Variants in GRIK1 observed in about 807,000 individuals in gnomAD.
GRIK1 encodes the protein glutamate ionotropic receptor kainate type subunit 1.
Under a neutral mutation model 105.7 loss-of-function variants are expected in GRIK1, and 69 were observed. The observed-to-expected ratio is 0.65, with a 90% CI of 0.54 to 0.80. GRIK1 has a LOEUF of 0.80. Ranked by LOEUF, GRIK1 falls within the 30% of genes least tolerant of loss-of-function variation. The pLI is 0.00. For synonymous variants in GRIK1, 438 were observed against 431.3 expected, an observed-to-expected ratio of 1.02 and a Z score of -0.19; for missense variants, 1,109 against 1,167.3, an observed-to-expected ratio of 0.95 and a Z score of 0.73.
chr21:29,898,036 ATT>A (rs2070237347), intron 1 of GRIK1, among the ~76,000 whole-genome samples: 2 of 152,198 alleles, frequency 1.3e-5, no homozygotes, highest in Non-Finnish European at 2.9e-5. Flanking sequence ...GCCGAGTTAA[ATT>A]TCATGTCTTT....
chr21:29,575,743 A>C (rs539290523), intron 14 of GRIK1, among the ~76,000 whole-genome samples: 1 of 152,250 alleles, frequency 6.6e-6, no homozygotes, highest in East Asian at 1.9e-4. Context: ...GAGGCAGGAG[A>C]ATCATTTGAA....
chr21:29,842,443 C>G (rs957459585), intron 1 of GRIK1, among the ~76,000 whole-genome samples: 1 of 152,162 alleles, frequency 6.6e-6, no homozygotes, highest in Non-Finnish European at 1.5e-5. Flanking sequence ...GGTCAGCACA[C>G]TTCAAATTCT....
intron 7 of GRIK1, among the ~76,000 whole-genome samples, chr21:29,620,792 T>TATATATAG (rs1491286680): frequency 3.6e-5 from 4 of 109,704 alleles, no homozygotes; most frequent in African/African-American, 2.1e-4. Context: ...GATATATATA[T>TATATATAG]CTATATATAT....
intron 1 of GRIK1, among the ~76,000 whole-genome samples, chr21:29,934,342 CCACTTAGTACA>C (rs1415383998): frequency 6.6e-6 from 1 of 152,144 alleles, no homozygotes; most frequent in Non-Finnish European, 1.5e-5. Context: ...TATTCGATTT[CCACTTAGTACA>C]CACAGTGAAA....
intron 14 of GRIK1, among the ~76,000 whole-genome samples, chr21:29,569,979 G>A (rs1185131544): frequency 6.6e-6 from 1 of 152,156 alleles, no homozygotes. Context: ...CTGAATGCAA[G>A]TTGTGTCCAT....
chr21:29,739,284 C>G (rs1247529286), intron 1 of GRIK1, among the ~76,000 whole-genome samples: 1 of 152,060 alleles, frequency 6.6e-6, no homozygotes, highest in Admixed American at 6.6e-5. Context: ...TGATGAGAAA[C>G]AGAAGACATT....
At chr21:29,874,465 G>C (rs1160534178) in intron 1 of GRIK1, among the ~76,000 whole-genome samples, 2 of 152,136 alleles carry the variant, frequency 1.3e-5, no homozygotes, top group Non-Finnish European at 2.9e-5. Flanking sequence ...TAGCTGAACT[G>C]TTTGTCCCCA....
At chr21:29,658,577 A>G (rs1454102565) in intron 4 of GRIK1, among the ~76,000 whole-genome samples, 6 of 152,166 alleles carry the variant, frequency 3.9e-5, no homozygotes. Flanking sequence ...TCATTTCTTA[A>G]TGGAATTAAT....
In GRIK1 at chr21:29,877,636, C is replaced by G. The variant is rs141338527; in HGVS notation, c.118+61747G>C. On this transcript the variant is annotated intron_variant, in intron 1 of 17. Coordinates refer to ENST00000327783, the MANE Select transcript of GRIK1 (RefSeq NM_001330994.2). Reference sequence around the variant, plus strand: ...TGGAAACACTTGGTAGCAGATATAACCCCTATTATTCTTTTATGTTGTCAG... The same window carrying G: ...TGGAAACACTTGGTAGCAGATATAAGCCCTATTATTCTTTTATGTTGTCAG... Among the ~76,000 whole-genome samples the G allele has an allele frequency of 2.1e-3, 313 of 152,262 alleles. 2 individuals are homozygous for G. Among genetic ancestry groups the G allele is most frequent in the Admixed American group, 3.1e-3 (48 of 15,282 alleles).
At chr21:29,879,645 G>T (rs1334301283) in intron 1 of GRIK1, among the ~76,000 whole-genome samples, 5 of 151,882 alleles carry the variant, frequency 3.3e-5, no homozygotes, top group Non-Finnish European at 7.4e-5. Context: ...TGTTATTGCT[G>T]TTTTTTTCCC....
At chr21:29,606,700 A>C (rs949775049) in intron 7 of GRIK1, among the ~76,000 whole-genome samples, 3 of 151,706 alleles carry the variant, frequency 2.0e-5, no homozygotes, top group Non-Finnish European at 4.4e-5. Context: ...CAAAACAAAA[A>C]AAACAAAAAA....
chr21:29,738,714 T>C (rs382346), intron 1 of GRIK1, among the ~76,000 whole-genome samples: 130,756 of 152,214 alleles, frequency 0.86, 57,634 homozygotes, highest in Non-Finnish European at 0.96. Context: ...TTATTTTTAA[T>C]GCATCTATCT....
intron 9 of GRIK1, among the ~76,000 whole-genome samples, chr21:29,595,261 G>T (rs988370558): frequency 1.3e-5 from 2 of 151,456 alleles, no homozygotes; most frequent in African/African-American, 4.9e-5. Flanking sequence ...TAATTTCAAA[G>T]CTTGGATTCC....
intron 1 of GRIK1, among the ~76,000 whole-genome samples, chr21:29,782,007 G>A (rs1219816200): frequency 6.6e-6 from 1 of 151,374 alleles, no homozygotes; most frequent in Non-Finnish European, 1.5e-5. Context: ...TTGTGCCCTG[G>A]TTCCATCCTC....
intron 1 of GRIK1, among the ~76,000 whole-genome samples, chr21:29,769,724 A>T (rs1204608260): frequency 6.6e-6 from 1 of 152,100 alleles, no homozygotes. Flanking sequence ...TCCCTGATAC[A>T]CAAGCCAAGG....
At chr21:29,750,050 A>G (rs1028587611) in intron 1 of GRIK1, among the ~76,000 whole-genome samples, 4 of 152,158 alleles carry the variant, frequency 2.6e-5, no homozygotes, top group African/African-American at 9.7e-5. Flanking sequence ...TTGTAGGGAC[A>G]AGAACCAACA....
At chr21:29,854,655 TATC>T (rs2068409098) in intron 1 of GRIK1, among the ~76,000 whole-genome samples, 1 of 152,098 alleles carries the variant, frequency 6.6e-6, no homozygotes. Context: ...TGTCAGGAAA[TATC>T]ATATATAAAA....
chr21:29,908,335 C>T (rs914275782), intron 1 of GRIK1, among the ~76,000 whole-genome samples: 1 of 152,096 alleles, frequency 6.6e-6, no homozygotes, highest in Non-Finnish European at 1.5e-5. Flanking sequence ...TCTACTGTGA[C>T]CTTTTTCCCC....
chr21:29,838,066 T>G (rs1195844824), intron 1 of GRIK1, among the ~76,000 whole-genome samples: 1 of 152,178 alleles, frequency 6.6e-6, no homozygotes, highest in African/African-American at 2.4e-5. Context: ...CTAAATGATT[T>G]CAATAAAGGA....
Sources: allele counts gnomAD v4.1 joint callset (sites outside exome capture counted in the v4.1 genomes callset), GRCh38; gene constraint gnomAD v4.1.1; transcripts MANE v1.5; gene names NCBI Gene and HGNC (gene_info 2026-07-23, HGNC 2026-07-21).